FGF10: variants seen among roughly 807,000 people sequenced by gnomAD.
The protein encoded by FGF10 is FGF-10.
FGF10 carries 2 observed loss-of-function variants against 19.8 expected under a neutral mutation model. The observed-to-expected ratio is 0.10, with a 90% CI of 0.04 to 0.32. FGF10 has a LOEUF of 0.32. Ranked by LOEUF, FGF10 falls within the 10% of genes least tolerant of loss-of-function variation. FGF10 has a pLI of 1.00. For synonymous variants in FGF10, 112 were observed against 94.0 expected (o/e 1.19, Z -1.10); for missense variants, 191 against 246.3 (o/e 0.78, Z 1.50).
Position 44,304,684 on chromosome 5 carries a change from A to G in FGF10, c.*311T>C, listed in dbSNP as rs778296673. On this transcript the variant is annotated 3_prime_UTR_variant, in exon 3 of 3. Coordinates refer to ENST00000264664, the MANE Select transcript of FGF10 (RefSeq NM_004465.2). ...GATTGTTCTATGTCCTTTAAGTTCT[A>G]TCTCAGAGGTTTAAAAACAAAAACT... 4 of 355,834 alleles carry G rather than the reference A, an allele frequency of 1.1e-5. No individual in the cohort carries two copies. Among genetic ancestry groups the G allele is most frequent in the South Asian group, 8.4e-5 (3 of 35,880 alleles). 22.0% of individuals were successfully genotyped at this position (355,834 alleles called of 1,614,324 possible).
chr5:44,387,860 A>G (rs1742138468), intron 1 of FGF10, among the ~76,000 whole-genome samples: 1 of 151,856 alleles, frequency 6.6e-6, no homozygotes, highest in African/African-American at 2.4e-5. Context: ...TTTCTTTCTT[A>G]AATAAAGTTC....
chr5:44,325,636 C>CA (rs1284678592), intron 1 of FGF10, among the ~76,000 whole-genome samples: 2 of 148,834 alleles, frequency 1.3e-5, no homozygotes, highest in African/African-American at 2.5e-5. Context: ...ATCACAAGGA[C>CA]AAAAAACCAA....
At chr5:44,382,158 G>A (rs1314577668) in intron 1 of FGF10, among the ~76,000 whole-genome samples, 3 of 152,172 alleles carry the variant, frequency 2.0e-5, no homozygotes, top group Non-Finnish European at 4.4e-5. Context: ...TTGGATGCAC[G>A]TGTTAGCGGC....
At chr5:44,329,688 C>G (rs1318169962) in intron 1 of FGF10, among the ~76,000 whole-genome samples, 3 of 152,096 alleles carry the variant, frequency 2.0e-5, no homozygotes, top group Admixed American at 1.3e-4. Flanking sequence ...ATGGCTTGGA[C>G]CTTTTAAGTG....
chr5:44,319,803 A>G (rs1740440284), intron 1 of FGF10, among the ~76,000 whole-genome samples: 1 of 152,168 alleles, frequency 6.6e-6, no homozygotes, highest in Non-Finnish European at 1.5e-5. Context: ...GGCAACATTG[A>G]TTCATTTGCC....
chr5:44,342,658 G>A (rs1024823549), intron 1 of FGF10, among the ~76,000 whole-genome samples: 2 of 151,798 alleles, frequency 1.3e-5, no homozygotes, highest in South Asian at 2.1e-4. Flanking sequence ...TAGGAAGTTC[G>A]TTACCTTGCC....
intron 1 of FGF10, among the ~76,000 whole-genome samples, chr5:44,361,421 A>T (rs549220026): frequency 6.6e-6 from 1 of 151,802 alleles, no homozygotes; most frequent in East Asian, 2.0e-4. Context: ...CATAGATATG[A>T]GAGCCTGACA....
chr5:44,389,183 G>C lies in FGF10; in HGVS notation c.-501C>G, dbSNP rs1579952739. 9.6e-6 allele frequency: 2 copies of C among 208,042 alleles called. No individual in the cohort carries two copies. The highest frequency in any genetic ancestry group is 2.0e-5 in the Non-Finnish European group (2 of 100,328). 12.9% of individuals were successfully genotyped at this position (208,042 alleles called of 1,614,324 possible). A position where few individuals can be genotyped will look rare whatever the true frequency, so the allele number is the denominator to read the frequency against. ...CTCTCTGCGGAGCCCCAGCCTGCGAGCCACTTCTACAAGTATATCCCTTTG... is the reference window on the plus strand; with the variant it reads ...CTCTCTGCGGAGCCCCAGCCTGCGACCCACTTCTACAAGTATATCCCTTTG... On this transcript the variant is annotated 5_prime_UTR_variant, in exon 1 of 3. Transcript: ENST00000264664.
chr5:44,331,228 A>T (rs1226279374), intron 1 of FGF10, among the ~76,000 whole-genome samples: 1 of 151,994 alleles, frequency 6.6e-6, no homozygotes, highest in Non-Finnish European at 1.5e-5. Flanking sequence ...ATTTTTGTGC[A>T]CTTATTTTAG....
intron 1 of FGF10, among the ~76,000 whole-genome samples, chr5:44,369,050 A>C (rs1405218962): frequency 1.3e-5 from 2 of 152,116 alleles, no homozygotes; most frequent in African/African-American, 4.8e-5. Context: ...TATATGGAAT[A>C]TGAATCTGGT....
chr5:44,377,991 C>T (rs1470025392), intron 1 of FGF10, among the ~76,000 whole-genome samples: 2 of 152,168 alleles, frequency 1.3e-5, no homozygotes, highest in African/African-American at 2.4e-5. Flanking sequence ...TTAAATGCTA[C>T]TGATAAGCAA....
chr5:44,318,968 A>T (rs147634649), intron 1 of FGF10, among the ~76,000 whole-genome samples: 1 of 152,318 alleles, frequency 6.6e-6, no homozygotes, highest in African/African-American at 2.4e-5. Context: ...TTTCGAAGAA[A>T]TCTAGATATT....
intron 1 of FGF10, among the ~76,000 whole-genome samples, chr5:44,328,755 G>A (rs140632890): frequency 9.5e-4 from 145 of 152,246 alleles, no homozygotes; most frequent in East Asian, 7.2e-3. Context: ...TTGCAGCAAC[G>A]TGGATGGAAC....
intron 1 of FGF10, among the ~76,000 whole-genome samples, chr5:44,321,771 C>CT (rs139603040): frequency 2.0e-4 from 31 of 152,114 alleles, no homozygotes; most frequent in Middle Eastern, 3.4e-3. Context: ...CACATCTTCT[C>CT]TTTTTTTTGA....
chr5:44,308,516 G>A (rs1337588538), intron 2 of FGF10, among the ~76,000 whole-genome samples: 1 of 152,044 alleles, frequency 6.6e-6, no homozygotes, highest in African/African-American at 2.4e-5. Flanking sequence ...TTCTGATATA[G>A]TAGATCAAGG....
At chr5:44,329,962 G>C (rs930260827) in intron 1 of FGF10, among the ~76,000 whole-genome samples, 3 of 152,110 alleles carry the variant, frequency 2.0e-5, no homozygotes, top group African/African-American at 7.2e-5. Flanking sequence ...GTACAAAGCT[G>C]GTCTAGGATA....
intron 1 of FGF10, among the ~76,000 whole-genome samples, chr5:44,324,813 T>A (rs934267102): frequency 1.3e-5 from 2 of 152,196 alleles, no homozygotes; most frequent in African/African-American, 4.8e-5. Context: ...GTTGACTTTT[T>A]CAAGTCAGAT....
chr5:44,383,775 C>T (rs997146476), intron 1 of FGF10, among the ~76,000 whole-genome samples: 1 of 151,982 alleles, frequency 6.6e-6, no homozygotes. Flanking sequence ...TAAATGCTGC[C>T]GGTTATAAAT....
intron 1 of FGF10, among the ~76,000 whole-genome samples, chr5:44,315,554 G>A (rs951277924): frequency 1.5e-4 from 23 of 152,130 alleles, no homozygotes; most frequent in African/African-American, 3.9e-4. Context: ...ATTGTGAAAC[G>A]TGGAAAGTCT....
Sources: allele counts gnomAD v4.1 joint callset (sites outside exome capture counted in the v4.1 genomes callset), GRCh38; gene constraint gnomAD v4.1.1; transcripts MANE v1.5; gene names NCBI Gene and HGNC (gene_info 2026-07-23, HGNC 2026-07-21).